The following ABHD3 variants were observed in gnomAD, a reference collection of about 807,000 sequenced individuals.
ABHD3 encodes the protein phospholipase ABHD3.
A neutral mutation model predicts 48.8 loss-of-function variants in ABHD3; 46 were observed. The observed-to-expected ratio is 0.94, with a 90% CI of 0.74 to 1.20. The LOEUF (loss-of-function observed/expected upper bound fraction) is 1.20. Ranked by LOEUF, ABHD3 falls within the 50% of genes most tolerant of loss-of-function variation. The pLI, the probability that ABHD3 is intolerant of heterozygous loss-of-function variation, is 0.00. For synonymous variants in ABHD3, 192 were observed against 183.7 expected, an observed-to-expected ratio of 1.04 and a Z score of -0.36; for missense variants, 490 against 497.8, an observed-to-expected ratio of 0.98 and a Z score of 0.15.
intron 3 of ABHD3, among the ~76,000 whole-genome samples, chr18:21,685,168 T>G (rs2040103740): frequency 6.6e-6 from 1 of 152,232 alleles, no homozygotes; most frequent in Non-Finnish European, 1.5e-5. Flanking sequence ...TCATAACAAT[T>G]AAAATTCATT....
intron 4 of ABHD3, chr18:21,682,421 A>T (rs910966972): frequency 4.6e-5 from 7 of 151,452 alleles, no homozygotes; most frequent in African/African-American, 1.7e-4. Context: ...AAGCTCTCCC[A>T]CCTCCCCCAG....
intron 3 of ABHD3, among the ~76,000 whole-genome samples, chr18:21,689,757 T>C (rs1362312606): frequency 1.4e-5 from 2 of 147,034 alleles, no homozygotes; most frequent in Admixed American, 1.4e-4. Flanking sequence ...TGAAACACAC[T>C]ACAAGCAACC....
intron 3 of ABHD3, among the ~76,000 whole-genome samples, chr18:21,696,304 C>T (rs971180326): frequency 3.9e-5 from 6 of 151,964 alleles, no homozygotes; most frequent in African/African-American, 1.2e-4. Context: ...CCAACACGCC[C>T]GGCTAGTTTT....
intron 3 of ABHD3, among the ~76,000 whole-genome samples, chr18:21,687,200 G>A (rs1225270785): frequency 6.6e-6 from 1 of 151,436 alleles, no homozygotes; most frequent in Non-Finnish European, 1.5e-5. Context: ...ATGAGCCACT[G>A]TGCCCAGCCT....
chr18:21,700,890 C>G (rs1477672006), intron 3 of ABHD3, among the ~76,000 whole-genome samples: 1 of 131,216 alleles, frequency 7.6e-6, no homozygotes, highest in Non-Finnish European at 1.5e-5. Flanking sequence ...CTGTAAGAGA[C>G]TGCAGTGAAC....
At chr18:21,668,909 T>A (rs539946454) in intron 4 of ABHD3, among the ~76,000 whole-genome samples, 3 of 152,108 alleles carry the variant, frequency 2.0e-5, no homozygotes, top group Non-Finnish European at 4.4e-5. Context: ...TACACTGCAA[T>A]AGACACTTAA....
intron 4 of ABHD3, among the ~76,000 whole-genome samples, chr18:21,668,320 T>G (rs1194859574): frequency 6.6e-6 from 1 of 152,086 alleles, no homozygotes; most frequent in East Asian, 1.9e-4. Flanking sequence ...TTACTCAGCA[T>G]TTTTATTGCA....
At chr18:21,698,375 C>T (rs953365346) in intron 3 of ABHD3, among the ~76,000 whole-genome samples, 8 of 151,332 alleles carry the variant, frequency 5.3e-5, no homozygotes, top group African/African-American at 9.7e-5. Flanking sequence ...TTAGTAGAGA[C>T]GGGGTTTCAC....
chr18:21,703,538 C>CA, intron 2 of ABHD3, 46 bp downstream of exon 2: 1 of 1,581,120 alleles, frequency 6.3e-7, no homozygotes, highest in Non-Finnish European at 8.7e-7. Flanking sequence ...AGCAAACAAA[C>CA]AACCTGTGAT....
At position 21,651,361 on chromosome 18, in the gene ABHD3, G is replaced by T; in HGVS notation, c.*230C>A. Reference sequence around the variant, plus strand: ...ACTACTTTGTTTAAGGATGTACTTGGTAAGGCATAGTAAAAATAAAATCTA... The same window carrying T: ...ACTACTTTGTTTAAGGATGTACTTGTTAAGGCATAGTAAAAATAAAATCTA... On this transcript the variant is annotated 3_prime_UTR_variant, in exon 9 of 9. Coordinates refer to ENST00000289119, the MANE Select transcript of ABHD3 (RefSeq NM_138340.5). 2.8e-6 allele frequency: 1 copy of T among 361,958 alleles called. No individual in the cohort carries two copies. The highest frequency in any genetic ancestry group is 4.9e-6 in the Non-Finnish European group (1 of 202,442). The allele number at this position is 361,958 out of a possible 1,614,324, so 22.4% of individuals were successfully genotyped here.
intron 4 of ABHD3, among the ~76,000 whole-genome samples, chr18:21,679,870 C>A (rs546533008): frequency 6.6e-6 from 1 of 151,614 alleles, no homozygotes; most frequent in Admixed American, 6.6e-5. Context: ...GATGGGGTTT[C>A]GCCATGTTGG....
intron 4 of ABHD3, 35 bp from the exon 5 acceptor site, chr18:21,664,265 A>C (rs1165114032): frequency 6.3e-7 from 1 of 1,587,774 alleles, no homozygotes; most frequent in South Asian, 1.1e-5. Context: ...CAAAAATTAC[A>C]ATGTGAGGTT....
chr18:21,695,871 T>A (rs2040358324), intron 3 of ABHD3, among the ~76,000 whole-genome samples: 1 of 152,178 alleles, frequency 6.6e-6, no homozygotes, highest in African/African-American at 2.4e-5. Context: ...CTAGACTGTA[T>A]GCTCTTTGGG....
intron 4 of ABHD3, among the ~76,000 whole-genome samples, chr18:21,669,608 G>A (rs1372369757): frequency 4.6e-5 from 7 of 152,104 alleles, no homozygotes; most frequent in Admixed American, 2.0e-4. Flanking sequence ...GCAGGCAGCT[G>A]CCCTGTAATG....
chr18:21,651,807 G>T, intron 8 of ABHD3, 44 bp from the exon 9 acceptor site: 3 of 1,276,516 alleles, frequency 2.4e-6, no homozygotes, highest in South Asian at 1.7e-5. Context: ...AAGAAGGAGA[G>T]AGAAAAATAT....
At chr18:21,669,941 G>A (rs1025382745) in intron 4 of ABHD3, among the ~76,000 whole-genome samples, 3 of 152,072 alleles carry the variant, frequency 2.0e-5, no homozygotes, top group African/African-American at 2.4e-5. Context: ...GGAAGCACCC[G>A]CGGGAGAGTG....
At chr18:21,701,294 GTC>G (rs542763995) in intron 3 of ABHD3, 19 of 150,348 alleles carry the variant, frequency 1.3e-4, no homozygotes, top group African/African-American at 4.4e-4. Flanking sequence ...GTTCACTACA[GTC>G]TCTACCTCCC....
At chr18:21,652,035 A>G (rs1006458910) in intron 8 of ABHD3, among the ~76,000 whole-genome samples, 3 of 152,224 alleles carry the variant, frequency 2.0e-5, no homozygotes, top group Admixed American at 2.0e-4. Context: ...ACACAAAAGT[A>G]TACATCAAGT....
chr18:21,673,462 T>A (rs2039802838), intron 4 of ABHD3, among the ~76,000 whole-genome samples: 1 of 151,974 alleles, frequency 6.6e-6, no homozygotes, highest in Non-Finnish European at 1.5e-5. Flanking sequence ...GCTTGGCTAA[T>A]TTTGTATTTT....
Sources: allele counts gnomAD v4.1 joint callset (sites outside exome capture counted in the v4.1 genomes callset), GRCh38; gene constraint gnomAD v4.1.1; transcripts MANE v1.5; gene names NCBI Gene and HGNC (gene_info 2026-07-23, HGNC 2026-07-21).